The following MRAP2 variants were observed in gnomAD, a reference collection of about 807,000 sequenced individuals.
MRAP2 encodes the protein melanocortin-2 receptor accessory protein 2.
Under a neutral mutation model 17.4 loss-of-function variants are expected in MRAP2, and 20 were observed. That is an observed-to-expected ratio of 1.15 (90% CI 0.81 to 1.67). MRAP2 has a LOEUF of 1.67. MRAP2 is among the 40% of genes most tolerant of loss of function. MRAP2 has a pLI of 0.00. For synonymous variants in MRAP2, 96 were observed against 88.4 expected (o/e 1.09, Z -0.48); for missense variants, 238 against 240.0 (o/e 0.99, Z 0.05).
chr6:84,099,693 G>A, the MRAP2 span, among the ~76,000 whole-genome samples: 1 of 152,232 alleles, frequency 6.6e-6, no homozygotes, highest in East Asian at 1.9e-4. Context: ...GCTCCCTGAG[G>A]CCTCACCAGA....
chr6:84,059,295 C>CAG (rs557137784), intron 2 of MRAP2, among the ~76,000 whole-genome samples: 146 of 152,260 alleles, frequency 9.6e-4, no homozygotes, highest in Middle Eastern at 6.8e-3. Flanking sequence ...GGATGAGAAA[C>CAG]AGCTAGAGTT....
the MRAP2 span, among the ~76,000 whole-genome samples, chr6:84,097,910 G>A: frequency 2.0e-5 from 3 of 152,136 alleles, no homozygotes; most frequent in Admixed American, 2.0e-4. Context: ...TATCTCAGTC[G>A]AATCAGGCAT....
chr6:84,112,451 C>A, the MRAP2 span, among the ~76,000 whole-genome samples: 23 of 152,188 alleles, frequency 1.5e-4, no homozygotes, highest in Non-Finnish European at 2.9e-4. Context: ...GTGGTGATAT[C>A]CCCTTTATCA....
chr6:84,050,464 C>T (rs1327999862), intron 1 of MRAP2, among the ~76,000 whole-genome samples: 1 of 152,118 alleles, frequency 6.6e-6, no homozygotes, highest in Admixed American at 6.5e-5. Context: ...TTCTGTGTGG[C>T]CCTACCCTAG....
At chr6:84,114,759 G>T in the MRAP2 span, among the ~76,000 whole-genome samples, 1 of 152,146 alleles carries the variant, frequency 6.6e-6, no homozygotes, top group East Asian at 1.9e-4. Context: ...TGGGGTCTCT[G>T]CATGGACGTC....
At chr6:84,043,653 G>T (rs146006148) in intron 1 of MRAP2, among the ~76,000 whole-genome samples, 19 of 151,850 alleles carry the variant, frequency 1.3e-4, no homozygotes, top group Non-Finnish European at 2.5e-4. Flanking sequence ...GTGTGTATGG[G>T]GGGGTGAGGG....
chr6:84,072,360 C>T (rs1329775001), intron 3 of MRAP2, among the ~76,000 whole-genome samples: 1 of 152,162 alleles, frequency 6.6e-6, no homozygotes, highest in Non-Finnish European at 1.5e-5. Context: ...GGTCTAGCCA[C>T]CCAGCAAGTC....
chr6:84,060,852 ATTTT>A (rs771171189), intron 2 of MRAP2, among the ~76,000 whole-genome samples: 1 of 119,548 alleles, frequency 8.4e-6, no homozygotes, highest in Non-Finnish European at 1.7e-5. Context: ...CACCCGGCTA[ATTTT>A]TTTTTTTTTT....
chr6:84,124,159 T>G, the MRAP2 span: 1 of 152,052 alleles, frequency 6.6e-6, no homozygotes, highest in Admixed American at 6.6e-5. Context: ...TAGAGATTTC[T>G]CAAAGAACTA....
chr6:84,140,914 A>G, the MRAP2 span, among the ~76,000 whole-genome samples: 1 of 152,156 alleles, frequency 6.6e-6, no homozygotes, highest in Non-Finnish European at 1.5e-5. Flanking sequence ...TGTGGAAGAC[A>G]ATTCTTCCAC....
chr6:84,081,655 C>T (rs921330105), intron 3 of MRAP2, among the ~76,000 whole-genome samples: 1 of 152,162 alleles, frequency 6.6e-6, no homozygotes, highest in African/African-American at 2.4e-5. Flanking sequence ...CCTGTCTCTA[C>T]TAAAAATACA....
At chr6:84,116,813 A>C in the MRAP2 span, among the ~76,000 whole-genome samples, 48 of 152,310 alleles carry the variant, frequency 3.2e-4, no homozygotes, top group Non-Finnish European at 5.7e-4. Flanking sequence ...ATGTTGAACC[A>C]GCCTTGCATC....
chr6:84,145,563 GT>G, the MRAP2 span, among the ~76,000 whole-genome samples: 956 of 152,024 alleles, frequency 6.3e-3, 4 homozygotes, highest in African/African-American at 0.022. Flanking sequence ...TTCTAGCCTT[GT>G]TTTTTTATCT....
intron 3 of MRAP2, among the ~76,000 whole-genome samples, chr6:84,064,677 CA>C (rs1562881645): frequency 2.0e-5 from 3 of 152,214 alleles, no homozygotes; most frequent in South Asian, 2.1e-4. Flanking sequence ...TTAGTAGAGA[CA>C]GGGTTTCACC....
chr6:84,092,209 A>G (rs1458300941), downstream of MRAP2, among the ~76,000 whole-genome samples: 2 of 152,116 alleles, frequency 1.3e-5, no homozygotes, highest in Non-Finnish European at 2.9e-5. Flanking sequence ...CCATCTTGAG[A>G]TCCTTCATTT....
In MRAP2 at chr6:84,060,747, G is replaced by A. The variant is rs556211886; in HGVS notation, c.128-2146G>A. Among the ~76,000 whole-genome samples, 8 of 150,948 alleles carry A rather than the reference G, an allele frequency of 5.3e-5. No homozygotes were observed. In the East Asian group the frequency reaches 5.8e-4, roughly 11 times the overall value. On this transcript the variant is annotated intron_variant, in intron 2 of 3. Coordinates refer to ENST00000257776, the MANE Select transcript of MRAP2 (RefSeq NM_138409.4). Reference sequence around the variant, plus strand: ...GTCACCCAGGCTGCAGTGCTGTGGCGCGATCTTGGCTCACTGCAAGCTCCA... The same window carrying A: ...GTCACCCAGGCTGCAGTGCTGTGGCACGATCTTGGCTCACTGCAAGCTCCA...
chr6:84,128,289 T>A, the MRAP2 span, among the ~76,000 whole-genome samples: 1 of 152,184 alleles, frequency 6.6e-6, no homozygotes, highest in Admixed American at 6.5e-5. Context: ...TAATCAAAAC[T>A]GAATATGTAC....
At chr6:84,142,512 C>G in the MRAP2 span, among the ~76,000 whole-genome samples, 1 of 152,062 alleles carries the variant, frequency 6.6e-6, no homozygotes, top group Non-Finnish European at 1.5e-5. Flanking sequence ...AAAAGAAGCA[C>G]TTACACAAAT....
chr6:84,040,960 G>A (rs181535175), intron 1 of MRAP2, among the ~76,000 whole-genome samples: 1 of 152,222 alleles, frequency 6.6e-6, no homozygotes, highest in Admixed American at 6.5e-5. Context: ...CCAAGACAAA[G>A]GGGAAAATGT....
Sources: allele counts gnomAD v4.1 joint callset (sites outside exome capture counted in the v4.1 genomes callset), GRCh38; gene constraint gnomAD v4.1.1; transcripts MANE v1.5; gene names NCBI Gene and HGNC (gene_info 2026-07-23, HGNC 2026-07-21).